Variants in CERS4 observed in about 807,000 individuals in gnomAD.
The protein encoded by CERS4 is LAG1 homolog, ceramide synthase 4.
In CERS4, 65 loss-of-function variants were observed where a neutral mutation model predicts 51.8. The observed-to-expected ratio is 1.26, with a 90% CI of 1.03 to 1.54. CERS4 has a LOEUF of 1.54. Among genes scored for constraint, CERS4 ranks in the 40% most tolerant of loss-of-function variants. The pLI, the probability that CERS4 is intolerant of heterozygous loss-of-function variation, is 0.00. For missense variants in CERS4, 563 were observed against 500.4 expected, an observed-to-expected ratio of 1.13 and a Z score of -1.19; for synonymous variants, 228 against 208.4, an observed-to-expected ratio of 1.09 and a Z score of -0.81.
chr19:8,215,469 A>C (rs1967259129), intron 2 of CERS4, among the ~76,000 whole-genome samples: 1 of 146,838 alleles, frequency 6.8e-6, no homozygotes, highest in African/African-American at 2.5e-5. Flanking sequence ...ACAGAGCAAG[A>C]CTCTGTCTCA....
chr19:8,247,011 T>C (rs1968816437), intron 2 of CERS4, among the ~76,000 whole-genome samples: 1 of 151,890 alleles, frequency 6.6e-6, no homozygotes, highest in Non-Finnish European at 1.5e-5. Flanking sequence ...ACTAAAAATA[T>C]AAAAATTAGC....
chr19:8,231,012 G>C (rs1057214549), intron 2 of CERS4, among the ~76,000 whole-genome samples: 4 of 151,804 alleles, frequency 2.6e-5, no homozygotes, highest in African/African-American at 9.7e-5. Context: ...GCTAATTTTT[G>C]TATTTTTTGT....
At position 8,256,659 on chromosome 19, in the gene CERS4, G is replaced by A. The variant is rs1192966497; in HGVS notation, c.561G>A (p.Leu187=). 2 of 1,613,960 alleles carry A rather than the reference G, an allele frequency of 1.2e-6. No homozygotes were observed. The highest frequency in any genetic ancestry group is 2.2e-5 in the East Asian group (1 of 44,884). ...PSLYWWYLLE[L]GFYLSLLIRL... ...TGTACTGGTGGTACCTCTTGGAGCT[G>A]GGTTTCTACCTCTCACTGCTAATCA... The change falls in exon 8 of 12, where the codon CTG becomes CTA. Residue 187 remains leucine (L), a synonymous_variant. Transcript: ENST00000251363.
At chr19:8,225,417 CTTTT>C (rs35365775) in intron 2 of CERS4, among the ~76,000 whole-genome samples, 6 of 113,878 alleles carry the variant, frequency 5.3e-5, no homozygotes, top group Admixed American at 9.2e-5. Flanking sequence ...TCCAATAATT[CTTTT>C]TTTTTTTTTT....
chr19:8,235,304 G>C (rs1470940216), intron 2 of CERS4, among the ~76,000 whole-genome samples: 1 of 150,870 alleles, frequency 6.6e-6, no homozygotes, highest in African/African-American at 2.4e-5. Flanking sequence ...ACCGCACCTG[G>C]CATAATAGGG....
chr19:8,253,461 T>C (rs1444786261), intron 3 of CERS4, among the ~76,000 whole-genome samples: 2 of 148,466 alleles, frequency 1.3e-5, no homozygotes. Flanking sequence ...TTTTTTTTTT[T>C]TTTTTTTTTT....
rs1397915749 is a variant in CERS4, at chr19:8,210,864, T to G, written c.-2+2T>G. ...CCAGCTCACCCACTGCCAGCAGAGGTACTTTGAGCCTGGGGTGTGGGGGGT... is the reference window on the plus strand; with the variant it reads ...CCAGCTCACCCACTGCCAGCAGAGGGACTTTGAGCCTGGGGTGTGGGGGGT... On this transcript the variant is annotated splice_donor_variant, in intron 2 of 11. Transcript: ENST00000251363. LOFTEE classifies it low-confidence loss of function (5UTR_SPLICE). This position sits in a 1 kb window ranked among gnomAD's most constrained non-coding sequence, Gnocchi z 4.2. 6.6e-6 allele frequency: 1 copy of G among 151,810 alleles called. No individual in the cohort carries two copies. The highest frequency in any genetic ancestry group is 2.4e-5 in the African/African-American group (1 of 41,324). 9.4% of individuals were successfully genotyped at this position (151,810 alleles called of 1,614,324 possible).
At position 8,224,130 on chromosome 19, in the gene CERS4, C is replaced by G. The variant is rs996581305; in HGVS notation, c.-2+13268C>G. Among the ~76,000 whole-genome samples the G allele has an allele frequency of 4.8e-5, 6 of 125,760 alleles. No homozygotes were observed. The Admixed American group carries it at 5.0e-4, about 11-fold the overall frequency. 82.5% of individuals were successfully genotyped at this position (125,760 alleles called of 152,430 possible). A position where few individuals can be genotyped will look rare whatever the true frequency, so the allele number is the denominator to read the frequency against. On this transcript the variant is annotated intron_variant, in intron 2 of 11. Coordinates refer to ENST00000251363, the MANE Select transcript of CERS4 (RefSeq NM_024552.3). ...AAAAAAAAAAAAAAAAAAAAAAGGC[C>G]AGGCACGGTGGCCCATGCCTGTAAT...
chr19:8,257,760 G>T (rs1206013319), intron 9 of CERS4, 119 bp from the exon 10 acceptor site: 4 of 732,438 alleles, frequency 5.5e-6, no homozygotes, highest in Non-Finnish European at 7.2e-6. Flanking sequence ...TTCCTGAAAA[G>T]GTAGGTAGTT....
At chr19:8,248,551 C>T (rs752015198) in intron 2 of CERS4, among the ~76,000 whole-genome samples, 8 of 149,722 alleles carry the variant, frequency 5.3e-5, no homozygotes, top group Non-Finnish European at 1.0e-4. Flanking sequence ...GCTGGGTGGA[C>T]AGATGTTTAG....
rs1484652765 is a variant in CERS4, at chr19:8,257,965, A to G, written c.828A>G (p.Arg276=). The stretch of plus-strand genomic sequence containing the variant: ...TCTCCTTTGTCTTCTTCTACACCCG[A>G]CTGGTCCTCTTTCCCACCCAGTGAG... ...LIFSFVFFYT[R]LVLFPTQILY... The change falls in exon 10 of 12, where the codon CGA becomes CGG. Residue 276 remains arginine, a synonymous_variant. Transcript: ENST00000251363. 6.2e-7 allele frequency: 1 copy of G among 1,613,616 alleles called. No individual in the cohort carries two copies. The highest frequency in any genetic ancestry group is 1.1e-5 in the South Asian group (1 of 91,062).
At chr19:8,235,011 C>T (rs67935798) in intron 2 of CERS4, among the ~76,000 whole-genome samples, 42,653 of 109,300 alleles carry the variant, frequency 0.39, 8,133 homozygotes, top group East Asian at 0.56. Flanking sequence ...TTCTTTCTTT[C>T]TTTTTTTTTT....
chr19:8,217,290 G>A (rs1017025009), intron 2 of CERS4, among the ~76,000 whole-genome samples: 3 of 152,054 alleles, frequency 2.0e-5, no homozygotes, highest in Non-Finnish European at 2.9e-5. Flanking sequence ...GGAGACAGAC[G>A]TGTCTTTGGG....
intron 2 of CERS4, among the ~76,000 whole-genome samples, chr19:8,245,126 A>ACAAAAAAAACAAAAAAAAAAC (rs1555777241): frequency 6.8e-6 from 1 of 148,130 alleles, no homozygotes; most frequent in African/African-American, 2.5e-5. Context: ...AAAAAAAAAA[A>ACAAAAAAAACAAAAAAAAAAC]AAAAAAAAAC....
chr19:8,222,187 T>C (rs1018410533), intron 2 of CERS4: 2 of 149,172 alleles, frequency 1.3e-5, no homozygotes, highest in African/African-American at 4.9e-5. Context: ...GCCCTATTTA[T>C]TTTTTTTTGA....
chr19:8,255,078 G>A (rs570350299), intron 4 of CERS4, among the ~76,000 whole-genome samples: 10 of 152,258 alleles, frequency 6.6e-5, no homozygotes, highest in East Asian at 1.9e-4. Flanking sequence ...CTCCATTCCC[G>A]TCTCTGGTGT....
intron 10 of CERS4, among the ~76,000 whole-genome samples, chr19:8,258,325 G>A (rs1969504523): frequency 6.6e-6 from 1 of 152,198 alleles, no homozygotes; most frequent in Non-Finnish European, 1.5e-5. Flanking sequence ...CGGCCCTTGT[G>A]AGCAGACATT....
chr19:8,254,667 C>A, intron 4 of CERS4, 51 bp downstream of exon 4: 1 of 1,498,724 alleles, frequency 6.7e-7, no homozygotes, highest in Non-Finnish European at 9.1e-7. Flanking sequence ...GGGGGTGGGG[C>A]GTGGGGATGG....
In CERS4 at chr19:8,262,264, C is replaced by T. The variant is rs1969749565; in HGVS notation, c.*155C>T. The stretch of plus-strand genomic sequence containing the variant: ...CTGATGATCTGTCTCCAGCCCCTTC[C>T]TTCTGCCCACCCACCCTTCTTCCCT... On this transcript the variant is annotated 3_prime_UTR_variant, in exon 12 of 12. Coordinates refer to ENST00000251363, the MANE Select transcript of CERS4 (RefSeq NM_024552.3). 2.7e-6 allele frequency: 2 copies of T among 743,064 alleles called. No individual in the cohort carries two copies. Among genetic ancestry groups the T allele is most frequent in the Non-Finnish European group, 3.9e-6 (2 of 515,968 alleles). 46.0% of individuals were successfully genotyped at this position (743,064 alleles called of 1,614,324 possible).
Sources: gnomAD v4.1 joint callset for allele counts (sites outside exome capture counted in the v4.1 genomes callset) on GRCh38, gnomAD v4.1.1 for gene constraint, Gnocchi (gnomAD v3.1) non-coding constraint, MANE v1.5 for transcripts, NCBI Gene and HGNC (gene_info 2026-07-23, HGNC 2026-07-21) for gene names.